Variants in GRIA4 observed in about 807,000 individuals in gnomAD.
The protein encoded by GRIA4 is glutamate receptor 4.
Under a neutral mutation model 104.0 loss-of-function variants are expected in GRIA4, and 34 were observed. That is an observed-to-expected ratio of 0.33 (90% confidence interval 0.25 to 0.44). The LOEUF (loss-of-function observed/expected upper bound fraction) is 0.44, where lower values mean the gene tolerates loss of function less well. Among genes scored for constraint, GRIA4 ranks in the 20% least tolerant of loss-of-function variants. The pLI, the probability that GRIA4 is intolerant of heterozygous loss-of-function variation, is 1.00. For synonymous variants in GRIA4, 386 were observed against 381.9 expected, an observed-to-expected ratio of 1.01 and a Z score of -0.13; for missense variants, 750 against 1,096.5, an observed-to-expected ratio of 0.68 and a Z score of 4.46.
intron 3 of GRIA4, among the ~76,000 whole-genome samples, chr11:105,686,043 A>T (rs1468045693): frequency 6.6e-6 from 1 of 152,164 alleles, no homozygotes; most frequent in Non-Finnish European, 1.5e-5. Context: ...AAAGGCCAGG[A>T]TAAAGATGAT....
intron 14 of GRIA4, among the ~76,000 whole-genome samples, chr11:105,945,692 A>C (rs1948289443): frequency 2.6e-5 from 4 of 152,218 alleles, no homozygotes; most frequent in Admixed American, 2.6e-4. Context: ...GCAGGAAAAA[A>C]TAAAAACTTT....
intron 11 of GRIA4, among the ~76,000 whole-genome samples, chr11:105,921,014 T>C (rs1947543180): frequency 2.0e-5 from 3 of 152,346 alleles, no homozygotes; most frequent in Middle Eastern, 3.4e-3. Context: ...TTCTCTTCTA[T>C]AGAACAAAGT....
chr11:105,779,296 A>C (rs1262231433), intron 4 of GRIA4, among the ~76,000 whole-genome samples: 1 of 152,118 alleles, frequency 6.6e-6, no homozygotes, highest in Non-Finnish European at 1.5e-5. Context: ...AAGAGGATAC[A>C]AACAAATGGA....
At chr11:105,651,677 T>C (rs879567323) in intron 3 of GRIA4, among the ~76,000 whole-genome samples, 1 of 152,086 alleles carries the variant, frequency 6.6e-6, no homozygotes, top group Admixed American at 6.6e-5. Flanking sequence ...TTATATTGTC[T>C]CCATATCACT....
intron 3 of GRIA4, among the ~76,000 whole-genome samples, chr11:105,639,561 T>A (rs1458233084): frequency 1.3e-5 from 2 of 152,040 alleles, no homozygotes; most frequent in Admixed American, 1.3e-4. Flanking sequence ...ACATATTCAA[T>A]GTAGTATTTT....
At chr11:105,912,108 T>C in intron 10 of GRIA4, 3 of 1,097,258 alleles carry the variant, frequency 2.7e-6, no homozygotes, top group East Asian at 5.0e-5. Context: ...ATCTTCATCT[T>C]TCTCAAGAAA....
At chr11:105,655,335 T>C (rs537495571) in intron 3 of GRIA4, among the ~76,000 whole-genome samples, 11 of 152,186 alleles carry the variant, frequency 7.2e-5, no homozygotes, top group Admixed American at 6.6e-4. Flanking sequence ...TAGTAAGGGA[T>C]AGTTTCTTTT....
chr11:105,817,928 T>G (rs898635304), intron 4 of GRIA4, among the ~76,000 whole-genome samples: 1 of 152,042 alleles, frequency 6.6e-6, no homozygotes, highest in Non-Finnish European at 1.5e-5. Flanking sequence ...TTTAATTTAC[T>G]GAAGCAAGCA....
rs550676373 is a variant in GRIA4, at chr11:105,823,512, C to A, written c.488-38512C>A. Among the ~76,000 whole-genome samples, 399 of 152,188 alleles carry A rather than the reference C, an allele frequency of 2.6e-3. 1 individual carries two copies. The highest frequency in any genetic ancestry group is 7.8e-3 in the African/African-American group (326 of 41,534). ...AGCAGGTGGTGGAAAGGACATTTTG[C>A]AGAATTGAGTGGATACAGCTGATGA... On this transcript the variant is annotated intron_variant, in intron 4 of 16. Coordinates refer to ENST00000282499, the MANE Select transcript of GRIA4 (RefSeq NM_000829.4).
chr11:105,620,158 T>C (rs1430993334), intron 3 of GRIA4, among the ~76,000 whole-genome samples: 1 of 151,886 alleles, frequency 6.6e-6, no homozygotes, highest in African/African-American at 2.4e-5. Flanking sequence ...GTAAATCCAA[T>C]TGTTATTTCT....
chr11:105,756,265 T>C (rs1242228570), intron 4 of GRIA4, among the ~76,000 whole-genome samples: 2 of 152,066 alleles, frequency 1.3e-5, no homozygotes, highest in African/African-American at 4.8e-5. Context: ...CAGATAGAGG[T>C]GGAATTGGGA....
chr11:105,786,373 T>C (rs927373229), intron 4 of GRIA4, among the ~76,000 whole-genome samples: 1 of 152,180 alleles, frequency 6.6e-6, no homozygotes, highest in African/African-American at 2.4e-5. Context: ...ATTTGAACAA[T>C]GTAGATGTTT....
chr11:105,682,482 A>C (rs774355144), intron 3 of GRIA4, among the ~76,000 whole-genome samples: 4 of 152,208 alleles, frequency 2.6e-5, no homozygotes, highest in Non-Finnish European at 2.9e-5. Context: ...CAAAAGTGTG[A>C]TCAAGTCATG....
intron 3 of GRIA4, among the ~76,000 whole-genome samples, chr11:105,631,444 A>C (rs1951033323): frequency 6.6e-6 from 1 of 152,242 alleles, no homozygotes; most frequent in Non-Finnish European, 1.5e-5. Flanking sequence ...AATTAAATAA[A>C]ACAAAATCCT....
At chr11:105,813,346 C>A (rs1396318892) in intron 4 of GRIA4, among the ~76,000 whole-genome samples, 1 of 152,152 alleles carries the variant, frequency 6.6e-6, no homozygotes, top group Middle Eastern at 3.4e-3. Flanking sequence ...TCATATTTAG[C>A]AATGCTATGT....
chr11:105,716,944 T>C (rs1392619266), intron 3 of GRIA4, among the ~76,000 whole-genome samples: 1 of 151,802 alleles, frequency 6.6e-6, no homozygotes, highest in South Asian at 2.1e-4. Flanking sequence ...CTCTAATCCA[T>C]AAAAAAAGAA....
At chr11:105,939,335 C>T (rs1264367814) in intron 14 of GRIA4, among the ~76,000 whole-genome samples, 1 of 152,088 alleles carries the variant, frequency 6.6e-6, no homozygotes, top group Non-Finnish European at 1.5e-5. Context: ...AGTAACTTTC[C>T]TGAGAAAATG....
At chr11:105,963,119 G>A (rs1036445753) in intron 14 of GRIA4, among the ~76,000 whole-genome samples, 1 of 151,998 alleles carries the variant, frequency 6.6e-6, no homozygotes, top group Admixed American at 6.5e-5. Flanking sequence ...AACTTCTTAT[G>A]GCTTCCTTAG....
chr11:105,768,754 G>T (rs983324183), intron 4 of GRIA4, among the ~76,000 whole-genome samples: 1 of 151,954 alleles, frequency 6.6e-6, no homozygotes, highest in Non-Finnish European at 1.5e-5. Flanking sequence ...TAGATTATTT[G>T]CTATGTGTAC....
Sources: gnomAD v4.1 joint callset for allele counts (sites outside exome capture counted in the v4.1 genomes callset) on GRCh38, gnomAD v4.1.1 for gene constraint, MANE v1.5 for transcripts, NCBI Gene and HGNC (gene_info 2026-07-23, HGNC 2026-07-21) for gene names.